Variants in BICC1 observed in about 807,000 individuals in gnomAD.
BICC1 encodes BicC family RNA binding protein 1.
BICC1 carries 43 observed loss-of-function variants against 111.0 expected under a neutral mutation model. The ratio of observed to expected loss-of-function variants is 0.39; its 90% CI spans 0.30 to 0.50. The LOEUF (loss-of-function observed/expected upper bound fraction) is 0.50. Among genes scored for constraint, BICC1 ranks in the 20% least tolerant of loss-of-function variants. The pLI, the probability that BICC1 is intolerant of heterozygous loss-of-function variation, is 0.88. For missense variants in BICC1, 1,091 were observed against 1,203.2 expected, an observed-to-expected ratio of 0.91 and a Z score of 1.38; for synonymous variants, 467 against 434.4, an observed-to-expected ratio of 1.07 and a Z score of -0.93.
chr10:58,731,740 G>C (rs138656620), intron 3 of BICC1, among the ~76,000 whole-genome samples: 1 of 151,368 alleles, frequency 6.6e-6, no homozygotes. Context: ...GAGGGAGGGA[G>C]TGGGGGAGAG....
intron 3 of BICC1, among the ~76,000 whole-genome samples, chr10:58,778,161 C>T (rs1377728056): frequency 1.3e-5 from 2 of 151,626 alleles, no homozygotes; most frequent in Non-Finnish European, 2.9e-5. Flanking sequence ...TGCAGTGAGC[C>T]GAGATCACAC....
intron 3 of BICC1, among the ~76,000 whole-genome samples, chr10:58,707,775 G>T (rs1461200251): frequency 6.6e-6 from 1 of 151,774 alleles, no homozygotes; most frequent in African/African-American, 2.4e-5. Flanking sequence ...TCGGCTCACC[G>T]CAACCTCCAC....
At chr10:58,798,156 T>C (rs1843416869) in intron 10 of BICC1, among the ~76,000 whole-genome samples, 1 of 152,230 alleles carries the variant, frequency 6.6e-6, no homozygotes, top group African/African-American at 2.4e-5. Flanking sequence ...ACTGCCATCC[T>C]GGTCTGGGCA....
chr10:58,828,741 T>G lies in BICC1; in HGVS notation c.2795-20T>G. 1 of 1,611,312 alleles carries G rather than the reference T, an allele frequency of 6.2e-7. No homozygotes were observed. Among genetic ancestry groups the G allele is most frequent in the Non-Finnish European group, 8.5e-7 (1 of 1,178,474 alleles). On this transcript the variant is annotated intron_variant, in intron 20 of 20. Transcript: ENST00000373886. The stretch of plus-strand genomic sequence containing the variant: ...AGAACTTCTCTTGAGCTCCTAACAA[T>G]TCTCTCTTTCTCTCTCTAGAACTAA...
chr10:58,723,820 G>A (rs1276309045), intron 3 of BICC1, among the ~76,000 whole-genome samples: 2 of 152,210 alleles, frequency 1.3e-5, no homozygotes, highest in African/African-American at 2.4e-5. Context: ...GGTCTGGATT[G>A]TGATAAAGTG....
chr10:58,716,684 C>T lies in BICC1; in HGVS notation c.307+14541C>T, dbSNP rs1346336250. Among the ~76,000 whole-genome samples the T allele has an allele frequency of 3.3e-5, 5 of 151,804 alleles. No individual in the cohort carries two copies. The East Asian group carries it at 9.6e-4, about 29-fold the overall frequency. On this transcript the variant is annotated intron_variant, in intron 3 of 20. Transcript: ENST00000373886. ...GTTAAAATTTTTGAAGGAGGGATTA[C>T]ATTAATATTTCAAAACCCTTACTCT...
At chr10:58,606,092 G>A (rs961372649) in intron 1 of BICC1, among the ~76,000 whole-genome samples, 3 of 151,586 alleles carry the variant, frequency 2.0e-5, no homozygotes, top group South Asian at 2.1e-4. Flanking sequence ...TTTGAGGCCT[G>A]TTGGCCTGCT....
rs146485997 is a variant in BICC1 at position 58,594,097 on chromosome 10, G to A, written c.191-26758G>A. On this transcript the variant is annotated intron_variant, in intron 1 of 20. Coordinates refer to ENST00000373886, the MANE Select transcript of BICC1 (RefSeq NM_001080512.3). ...GAAGCATACACAAGTATCAGTAGCC[G>A]AATCCATCAAGCAGAAGAAAGGATA... Among the ~76,000 whole-genome samples the A allele has an allele frequency of 1.9e-3, 287 of 151,582 alleles. 1 individual carries two copies. Among genetic ancestry groups the A allele is most frequent in the Admixed American group, 3.5e-3 (53 of 15,186 alleles).
intron 2 of BICC1, among the ~76,000 whole-genome samples, chr10:58,626,964 C>T (rs979658461): frequency 6.6e-6 from 1 of 152,046 alleles, no homozygotes; most frequent in Non-Finnish European, 1.5e-5. Flanking sequence ...GTTAGCTGGG[C>T]GATGGTGCAT....
chr10:58,741,072 C>G (rs1233301331), intron 3 of BICC1, among the ~76,000 whole-genome samples: 1 of 152,040 alleles, frequency 6.6e-6, no homozygotes, highest in Non-Finnish European at 1.5e-5. Context: ...TTGAGACGGG[C>G]CTGTGTCCTA....
In BICC1 at chr10:58,828,819, G is replaced by A; in HGVS notation, c.2853G>A (p.Leu951=). The A allele has an allele frequency of 6.2e-7, 1 of 1,613,948 alleles. No homozygotes were observed. The highest frequency in any genetic ancestry group is 1.3e-5 in the African/African-American group (1 of 75,026). The part of the protein sequence containing the change: ...FESPNARTSF[L]EGGASGRLPR... Reference sequence around the variant, plus strand: ...CGCCAAATGCACGCACCTCTTTCCTGGAAGGTGGAGCGAGTGGAAGGCTAC... The same window carrying A: ...CGCCAAATGCACGCACCTCTTTCCTAGAAGGTGGAGCGAGTGGAAGGCTAC... The change falls in exon 21 of 21, where the codon CTG becomes CTA. Residue 951 remains leucine, a synonymous_variant. Transcript: ENST00000373886.
chr10:58,827,790 A>G (rs1297408792), intron 20 of BICC1, among the ~76,000 whole-genome samples: 1 of 152,136 alleles, frequency 6.6e-6, no homozygotes, highest in East Asian at 1.9e-4. Flanking sequence ...AGAAATTATG[A>G]TGTATTTTTG....
intron 17 of BICC1, among the ~76,000 whole-genome samples, chr10:58,808,255 TAGG>T (rs1322544566): frequency 6.6e-6 from 1 of 152,156 alleles, no homozygotes; most frequent in Non-Finnish European, 1.5e-5. Context: ...GTTGAGGCTC[TAGG>T]AGGTACACTC....
At chr10:58,537,357 A>AC (rs1842851652) in intron 1 of BICC1, among the ~76,000 whole-genome samples, 1 of 120,706 alleles carries the variant, frequency 8.3e-6, no homozygotes, top group Non-Finnish European at 1.9e-5. Flanking sequence ...CAAAAAAAAA[A>AC]ATCATGATGA....
At chr10:58,640,353 TA>T (rs1163675282) in intron 2 of BICC1, among the ~76,000 whole-genome samples, 1 of 152,212 alleles carries the variant, frequency 6.6e-6, no homozygotes, top group Non-Finnish European at 1.5e-5. Context: ...TGTTTACCTA[TA>T]AACAGGTAGG....
intron 2 of BICC1, among the ~76,000 whole-genome samples, chr10:58,638,101 A>G (rs866888914): frequency 5.9e-5 from 9 of 152,168 alleles, no homozygotes; most frequent in African/African-American, 1.9e-4. Context: ...GAGGAAAAAA[A>G]GAATGTAATT....
chr10:58,735,541 T>G (rs1841440731), intron 3 of BICC1, among the ~76,000 whole-genome samples: 1 of 152,196 alleles, frequency 6.6e-6, no homozygotes, highest in South Asian at 2.1e-4. Context: ...CATTTTTAAG[T>G]ACCTTCCCTA....
At chr10:58,533,837 A>G (rs1842749609) in intron 1 of BICC1, among the ~76,000 whole-genome samples, 1 of 151,854 alleles carries the variant, frequency 6.6e-6, no homozygotes, top group South Asian at 2.1e-4. Context: ...TCAATGAAAT[A>G]GAAAGGCAGC....
In BICC1 at chr10:58,786,255, A is replaced by G. The variant is rs180873675; in HGVS notation, c.388-668A>G. Among the ~76,000 whole-genome samples, 963 of 152,214 alleles carry G rather than the reference A, an allele frequency of 6.3e-3. 7 individuals are homozygous for G. The highest frequency in any genetic ancestry group is 0.022 in the African/African-American group (928 of 41,560). ...AAATATAGTCCAATATGACCACAGCATTTTTATTTATTATGTCTTAGAATT... is the reference window on the plus strand; with the variant it reads ...AAATATAGTCCAATATGACCACAGCGTTTTTATTTATTATGTCTTAGAATT... On this transcript the variant is annotated intron_variant, in intron 4 of 20. Transcript: ENST00000373886.
Sources: gnomAD v4.1 joint callset for allele counts (sites outside exome capture counted in the v4.1 genomes callset) on GRCh38, gnomAD v4.1.1 for gene constraint, MANE v1.5 for transcripts, NCBI Gene and HGNC (gene_info 2026-07-23, HGNC 2026-07-21) for gene names.